Variants in TRIOBP observed in about 807,000 individuals in gnomAD.
TRIOBP encodes TRIO and F-actin-binding protein.
In TRIOBP, 169 loss-of-function variants were observed where a neutral mutation model predicts 238.8. The observed-to-expected ratio is 0.71, with a 90% CI of 0.62 to 0.80. The LOEUF is 0.80. Among genes scored for constraint, TRIOBP ranks in the 30% least tolerant of loss-of-function variants. The probability of loss-of-function intolerance (pLI) is 0.00; values close to 1 mark genes in which losing one functional copy is unlikely to be tolerated. For synonymous variants in TRIOBP, 1,150 were observed against 1,274.4 expected (o/e 0.90, Z 2.08); for missense variants, 2,838 against 3,122.6 (o/e 0.91, Z 2.17).
chr22:37,759,014 C>G lies in TRIOBP; in HGVS notation c.6214-140C>G, dbSNP rs1926098403. The G allele has an allele frequency of 5.5e-6, 4 of 726,278 alleles. No individual in the cohort carries two copies. The Admixed American group carries it at 8.9e-5, about 16-fold the overall frequency. The allele number at this position is 726,278 out of a possible 1,614,324, so 45.0% of individuals were successfully genotyped here. A position where few individuals can be genotyped will look rare whatever the true frequency, so the allele number is the denominator to read the frequency against. ...TCACTCCAGGGCTGCTTGCCCTTCT[C>G]AAACCCTGAGGCATTCCTAAGCCTT... On this transcript the variant is annotated intron_variant, in intron 16 of 23. Coordinates refer to ENST00000644935, the MANE Select transcript of TRIOBP (RefSeq NM_001039141.3).
chr22:37,731,712 C>T (rs1353725102), intron 7 of TRIOBP, among the ~76,000 whole-genome samples: 1 of 152,188 alleles, frequency 6.6e-6, no homozygotes, highest in Non-Finnish European at 1.5e-5. Context: ...CCACCTCAGC[C>T]TCCCAAAGTG....
chr22:37,710,423 C>G lies in TRIOBP; in HGVS notation c.115-4C>G. The G allele has an allele frequency of 1.9e-6, 3 of 1,613,424 alleles. No homozygotes were observed. Among genetic ancestry groups the G allele is most frequent in the East Asian group, 2.2e-5 (1 of 44,892 alleles). ...GCTGTCTCCTCTCTCCAACCCTGGCCCAGGAGCTCAGGAGCCCTTCAGGTG... is the reference window on the plus strand; with the variant it reads ...GCTGTCTCCTCTCTCCAACCCTGGCGCAGGAGCTCAGGAGCCCTTCAGGTG... On this transcript the variant is annotated splice_region_variant and splice_polypyrimidine_tract_variant and intron_variant, in intron 3 of 23. Coordinates refer to ENST00000644935, the MANE Select transcript of TRIOBP (RefSeq NM_001039141.3).
In TRIOBP at chr22:37,710,548, T is replaced by G; in HGVS notation, c.236T>G (p.Leu79Arg). 6.2e-7 allele frequency: 1 copy of G among 1,611,418 alleles called. No individual in the cohort carries two copies. The highest frequency in any genetic ancestry group is 1.1e-5 in the South Asian group (1 of 90,940). Residue 79 changes from leucine (L) to arginine (R), a missense_variant, in exon 4 of 24, where the codon CTC (leucine) becomes CGC (arginine). Around this residue, in one of 5 missense-constraint regions of TRIOBP, gnomAD observed 535 missense variants for 537.3 expected, o/e 1.00. Coordinates refer to ENST00000644935, the MANE Select transcript of TRIOBP (RefSeq NM_001039141.3). ...SGCQSVVDPG[L>R]RPGPKRGPSP... The stretch of plus-strand genomic sequence containing the variant: ...TGCCAGTCTGTGGTGGACCCAGGCC[T>G]CAGGCCAGGGCCCAAGAGGTGGGTA...
rs770054389 is a variant in TRIOBP at position 37,759,169 on chromosome 22, G to T, written c.6229G>T (p.Ala2077Ser). ...TCCCTCGTAGGTTCAGGCTCTTCGGGCCCAGCTGGAGGCGTGGCGTCTCCA... is the reference window on the plus strand; with the variant it reads ...TCCCTCGTAGGTTCAGGCTCTTCGGTCCCAGCTGGAGGCGTGGCGTCTCCA... ...ALEKEVQALR[A>S]QLEAWRLQGE... The change falls in exon 17 of 24, where the codon GCC (alanine) becomes TCC (serine). Residue 2077 changes from alanine (A) to serine (S), a missense_variant. By Grantham distance (99) the Ala-to-Ser change is moderately conservative (BLOSUM62 1). This residue lies in a region of TRIOBP where 2,096 missense variants were observed against 2,137.4 expected (regional missense o/e 0.98). Coordinates refer to ENST00000644935, the MANE Select transcript of TRIOBP (RefSeq NM_001039141.3). 4 of 1,612,476 alleles carry T rather than the reference G, an allele frequency of 2.5e-6. No individual in the cohort carries two copies. The highest frequency in any genetic ancestry group is 2.2e-5 in the South Asian group (2 of 91,022).
At chr22:37,727,992 T>G (rs1924258158) in intron 7 of TRIOBP, among the ~76,000 whole-genome samples, 2 of 152,226 alleles carry the variant, frequency 1.3e-5, no homozygotes, top group African/African-American at 4.8e-5. Context: ...CAACGAATTT[T>G]TAGTTTATTT....
At chr22:37,730,294 C>T (rs1488060616) in intron 7 of TRIOBP, among the ~76,000 whole-genome samples, 1 of 152,176 alleles carries the variant, frequency 6.6e-6, no homozygotes, top group Admixed American at 6.5e-5. Flanking sequence ...GCTTCAGCAT[C>T]GGACAAGCCA....
rs766892146 is a variant in TRIOBP at position 37,755,701 on chromosome 22, C to G, written c.5687+42C>G. 3.2e-6 allele frequency: 5 copies of G among 1,568,408 alleles called. 1 individual carries two copies. The Admixed American group carries it at 5.0e-5, about 16-fold the overall frequency. On this transcript the variant is annotated intron_variant, in intron 15 of 23. Transcript: ENST00000644935. ...ACTGGGGCCTTGAGGGAGGCACTTA[C>G]CCTTGCGTCCCCGAGTGGGTTTCTA...
chr22:37,743,763 C>T (rs1925054009), intron 11 of TRIOBP, among the ~76,000 whole-genome samples: 1 of 147,654 alleles, frequency 6.8e-6, no homozygotes, highest in African/African-American at 2.5e-5. Flanking sequence ...TCCAGGCCAA[C>T]AAGCATTGGG....
At chr22:37,761,443 T>C (rs1926240050) in intron 17 of TRIOBP, among the ~76,000 whole-genome samples, 1 of 152,056 alleles carries the variant, frequency 6.6e-6, no homozygotes, top group Non-Finnish European at 1.5e-5. Context: ...TGAGACTCTA[T>C]CTAAAAACAG....
intron 11 of TRIOBP, among the ~76,000 whole-genome samples, chr22:37,744,302 G>A (rs112615656): frequency 6.6e-6 from 1 of 151,808 alleles, no homozygotes. Flanking sequence ...AAACCACCGC[G>A]CCCAGCCTCC....
chr22:37,746,433 G>T lies in TRIOBP; in HGVS notation c.5323-5339G>T, dbSNP rs769638849. The T allele has an allele frequency of 9.1e-6, 13 of 1,424,498 alleles. No homozygotes were observed. The South Asian group carries it at 1.6e-4, about 17-fold the overall frequency. The allele number at this position is 1,424,498 out of a possible 1,614,324, so 88.2% of individuals were successfully genotyped here. A position where few individuals can be genotyped will look rare whatever the true frequency, so the allele number is the denominator to read the frequency against. Reference sequence around the variant, plus strand: ...CGCCGCCATGACGGTGAGTGCCCCAGTCAGCCGCCCGCGCCCGAGGCCGGG... The same window carrying T: ...CGCCGCCATGACGGTGAGTGCCCCATTCAGCCGCCCGCGCCCGAGGCCGGG... On this transcript the variant is annotated intron_variant, in intron 11 of 23. Transcript: ENST00000644935.
intron 2 of TRIOBP, among the ~76,000 whole-genome samples, chr22:37,699,981 C>T (rs1922561649): frequency 2.6e-5 from 4 of 151,426 alleles, no homozygotes; most frequent in Admixed American, 1.3e-4. Flanking sequence ...CAGGTTCAAG[C>T]GATTCTCGTG....
rs774259336 is a variant in TRIOBP, at chr22:37,713,421, G to C, written c.456+10G>C. On this transcript the variant is annotated intron_variant, in intron 5 of 23. Coordinates refer to ENST00000644935, the MANE Select transcript of TRIOBP (RefSeq NM_001039141.3). ...CAACTCGTCCTCTGTGGTGAGCCAG[G>C]AGTGGGAGTTTGGGGGACAAGAGTG... 1 of 1,611,732 alleles carries C rather than the reference G, an allele frequency of 6.2e-7. No individual in the cohort carries two copies.
At chr22:37,734,322 G>A in intron 8 of TRIOBP, 77 bp from the exon 9 acceptor site, 2 of 1,341,402 alleles carry the variant, frequency 1.5e-6, no homozygotes, top group Non-Finnish European at 2.1e-6. Context: ...TTGACTCTCT[G>A]GGGGCCTAAG....
rs1397268604 is a variant in TRIOBP, at chr22:37,715,793, G to A, written c.487G>A (p.Glu163Lys). The change falls in exon 6 of 24, where the codon GAG becomes AAG. Residue 163 changes from glutamate to lysine, a missense_variant. Coordinates refer to ENST00000644935, the MANE Select transcript of TRIOBP (RefSeq NM_001039141.3). Reference protein sequence around the residue: ...DWDTVERQEEEAPSWDELAVM... With the variant: ...DWDTVERQEEKAPSWDELAVM... Reference sequence around the variant, plus strand: ...GGACACTGTTGAGAGGCAGGAGGAGGAGGCCCCCAGCTGGGACGAGCTCGC... The same window carrying A: ...GGACACTGTTGAGAGGCAGGAGGAGAAGGCCCCCAGCTGGGACGAGCTCGC... 2.5e-6 allele frequency: 4 copies of A among 1,613,978 alleles called. No individual in the cohort carries two copies. Among genetic ancestry groups the A allele is most frequent in the Middle Eastern group, 3.3e-4 (2 of 6,084 alleles).
chr22:37,741,552 G>A (rs1174191584), intron 11 of TRIOBP, among the ~76,000 whole-genome samples: 1 of 152,220 alleles, frequency 6.6e-6, no homozygotes. Context: ...TTCACAGCAG[G>A]ACAGAAGGGG....
At position 37,725,749 on chromosome 22, in the gene TRIOBP, AT is replaced by A. The variant is rs745914186; in HGVS notation, c.3195del (p.Ile1065MetfsTer148). 3.7e-6 allele frequency: 6 copies of A among 1,609,694 alleles called. No homozygotes were observed. The Admixed American group carries it at 8.4e-5, about 22-fold the overall frequency. ...EPPYIPPAVC[I>X]GHRDAPRASS... Reference sequence around the variant, plus strand: ...TCCCTATATACCACCTGCTGTGTGCATTGGACACCGAGATGCCCCCCGGGCG... The same window carrying A: ...TCCCTATATACCACCTGCTGTGTGCATGGACACCGAGATGCCCCCCGGGCG... On this transcript the variant is annotated frameshift_variant, in exon 7 of 24. Coordinates refer to ENST00000644935, the MANE Select transcript of TRIOBP (RefSeq NM_001039141.3). LOFTEE classifies it high-confidence loss of function.
intron 17 of TRIOBP, among the ~76,000 whole-genome samples, chr22:37,762,755 A>C (rs922463175): frequency 6.6e-6 from 1 of 152,026 alleles, no homozygotes; most frequent in African/African-American, 2.4e-5. Flanking sequence ...GCACGGGAGG[A>C]GGCGGATGGA....
intron 7 of TRIOBP, 143 bp downstream of exon 7, chr22:37,726,646 C>G: frequency 3.6e-6 from 3 of 843,732 alleles, no homozygotes; most frequent in East Asian, 3.1e-5. Context: ...GCAAATCGCT[C>G]CATTTCTCTG....
Sources: gnomAD v4.1 joint callset for allele counts (sites outside exome capture counted in the v4.1 genomes callset) on GRCh38, gnomAD v4.1.1 for gene constraint, gnomAD v4.1.1 regional missense constraint, MANE v1.5 for transcripts, NCBI Gene and HGNC (gene_info 2026-07-23, HGNC 2026-07-21) for gene names.